The following MFSD6 variants were observed in gnomAD, a reference collection of about 807,000 sequenced individuals.
The protein encoded by MFSD6 is major facilitator superfamily domain-containing protein 6.
In MFSD6, 26 loss-of-function variants were observed where a neutral mutation model predicts 56.3. The ratio of observed to expected loss-of-function variants is 0.46; its 90% CI spans 0.34 to 0.64. The LOEUF is 0.64. Among genes scored for constraint, MFSD6 ranks in the 30% least tolerant of loss-of-function variants. The pLI is 0.01. For synonymous variants in MFSD6, 331 were observed against 366.9 expected, an observed-to-expected ratio of 0.90 and a Z score of 1.12; for missense variants, 750 against 986.2, an observed-to-expected ratio of 0.76 and a Z score of 3.21.
chr2:190,449,483 A>T (rs188862663), intron 3 of MFSD6, among the ~76,000 whole-genome samples: 14 of 152,292 alleles, frequency 9.2e-5, no homozygotes, highest in Admixed American at 7.2e-4. Flanking sequence ...CAAAAAAAAA[A>T]AATTAATATC....
intron 4 of MFSD6, among the ~76,000 whole-genome samples, chr2:190,474,243 C>T (rs1184565310): frequency 6.6e-6 from 1 of 151,916 alleles, no homozygotes; most frequent in Non-Finnish European, 1.5e-5. Context: ...AATAGAGACA[C>T]AAAAAACCCT....
In MFSD6 at chr2:190,425,239, T is replaced by G. The variant is rs546171688; in HGVS notation, c.-54+9826T>G. ...TCACTTATTAGTTCTAGAAGTTTAT[T>G]TATAGGTTTCTTGGGATTTTCTACC... On this transcript the variant is annotated intron_variant, in intron 2 of 7. Transcript: ENST00000392328. The surrounding 1 kb of genome is among the most constrained non-coding windows in gnomAD (Gnocchi z 4.3). 1.3e-5 allele frequency among the ~76,000 whole-genome samples: 2 copies of G among 152,378 alleles called. No individual in the cohort carries two copies. Among genetic ancestry groups the G allele is most frequent in the East Asian group, 3.9e-4 (2 of 5,194 alleles).
chr2:190,499,332 T>C lies in MFSD6; in HGVS notation c.2173-683T>C, dbSNP rs1442472499. On this transcript the variant is annotated intron_variant, in intron 7 of 7. Coordinates refer to ENST00000392328, the MANE Select transcript of MFSD6 (RefSeq NM_017694.4). The surrounding 1 kb of genome is among the most constrained non-coding windows in gnomAD (Gnocchi z 6.0). Reference sequence around the variant, plus strand: ...TGTTCAGCCAAAAAGTGATGGGTACTAATTTGGGGGAGAATCCATTTAAAT... The same window carrying C: ...TGTTCAGCCAAAAAGTGATGGGTACCAATTTGGGGGAGAATCCATTTAAAT... Among the ~76,000 whole-genome samples the C allele has an allele frequency of 1.3e-5, 2 of 152,246 alleles. No homozygotes were observed. The highest frequency in any genetic ancestry group is 4.8e-5 in the African/African-American group (2 of 41,474).
chr2:190,452,511 A>G (rs1686816080), intron 3 of MFSD6, among the ~76,000 whole-genome samples: 1 of 152,176 alleles, frequency 6.6e-6, no homozygotes, highest in South Asian at 2.1e-4. Context: ...GTTTCCCATG[A>G]TGACACAGCC....
rs954577061 is a variant in MFSD6, at chr2:190,412,593, G to C, written c.-175-2699G>C. The C allele has an allele frequency of 2.0e-6, 2 of 985,256 alleles. No individual in the cohort carries two copies. Among genetic ancestry groups the C allele is most frequent in the African/African-American group, 3.5e-5 (2 of 57,220 alleles). 61.0% of individuals were successfully genotyped at this position (985,256 alleles called of 1,614,324 possible). A position where few individuals can be genotyped will look rare whatever the true frequency, so the allele number is the denominator to read the frequency against. Reference sequence around the variant, plus strand: ...AACAAACACATCTGATGTCAATTCTGTGTGGGGCAATGAAAACACCTTAAT... The same window carrying C: ...AACAAACACATCTGATGTCAATTCTCTGTGGGGCAATGAAAACACCTTAAT... On this transcript the variant is annotated intron_variant, in intron 1 of 7. Transcript: ENST00000392328. The surrounding 1 kb of genome is among the most constrained non-coding windows in gnomAD (Gnocchi z 4.1).
rs191390874 is a variant in MFSD6 at position 190,457,996 on chromosome 2, C to G, written c.1533-11762C>G. Among the ~76,000 whole-genome samples, 6 of 152,238 alleles carry G rather than the reference C, an allele frequency of 3.9e-5. No individual in the cohort carries two copies. In the East Asian group the frequency reaches 1.2e-3, roughly 29 times the overall value. On this transcript the variant is annotated intron_variant, in intron 3 of 7. Transcript: ENST00000392328. This position sits in a 1 kb window ranked among gnomAD's most constrained non-coding sequence, Gnocchi z 5.1. ...TGGTCAGATTAGGTTGTACAAAATG[C>G]GAAGAGTCCTCCTCTAAGGATACAG...
At chr2:190,470,865 G>A (rs774783353) in intron 4 of MFSD6, among the ~76,000 whole-genome samples, 1 of 151,800 alleles carries the variant, frequency 6.6e-6, no homozygotes, top group East Asian at 1.9e-4. Context: ...ATTGAAAGGA[G>A]ATATAATTTA....
At chr2:190,444,573 G>T (rs1040465517) in intron 3 of MFSD6, among the ~76,000 whole-genome samples, 1 of 152,140 alleles carries the variant, frequency 6.6e-6, no homozygotes, top group African/African-American at 2.4e-5. Context: ...TGGTTCCATC[G>T]AAGTCATCAT....
chr2:190,476,407 T>A (rs1057378572), intron 4 of MFSD6, among the ~76,000 whole-genome samples: 4 of 151,876 alleles, frequency 2.6e-5, no homozygotes, highest in East Asian at 1.9e-4. Flanking sequence ...ATGAACAGAC[T>A]CTTCTCAAAA....
At position 190,499,397 on chromosome 2, in the gene MFSD6, TTGC is replaced by T. The variant is rs1214412328; in HGVS notation, c.2173-612_2173-610del. Among the ~76,000 whole-genome samples the T allele has an allele frequency of 4.6e-5, 7 of 152,196 alleles. No individual in the cohort carries two copies. Among genetic ancestry groups the T allele is most frequent in the Non-Finnish European group, 1.0e-4 (7 of 68,034 alleles). On this transcript the variant is annotated intron_variant, in intron 7 of 7. Coordinates refer to ENST00000392328, the MANE Select transcript of MFSD6 (RefSeq NM_017694.4). This position sits in a 1 kb window ranked among gnomAD's most constrained non-coding sequence, Gnocchi z 6.0. ...ACAACCAATATGGCATTTATGGAAA[TTGC>T]TGCTGGTGATGTTCTACTCATGGTT...
rs1687809890 is a variant in MFSD6, at chr2:190,469,752, T to TA, written c.1533-6_1533-5insA. 1.4e-6 allele frequency: 2 copies of TA among 1,447,842 alleles called. No homozygotes were observed. The highest frequency in any genetic ancestry group is 1.8e-6 in the Non-Finnish European group (2 of 1,095,500). The allele number at this position is 1,447,842 out of a possible 1,614,324, so 89.7% of individuals were successfully genotyped here. On this transcript the variant is annotated splice_polypyrimidine_tract_variant and splice_region_variant and intron_variant, in intron 3 of 7. Coordinates refer to ENST00000392328, the MANE Select transcript of MFSD6 (RefSeq NM_017694.4). The surrounding 1 kb of genome is among the most constrained non-coding windows in gnomAD (Gnocchi z 5.3). Reference sequence around the variant, plus strand: ...TATTTTATTTTTATTTTTTATTTTTTTTTAGGGTTCTGTACATTGGCCTGG... The same window carrying TA: ...TATTTTATTTTTATTTTTTATTTTTTATTTAGGGTTCTGTACATTGGCCTGG...
chr2:190,418,459 C>G lies in MFSD6; in HGVS notation c.-54+3046C>G. Reference sequence around the variant, plus strand: ...TACTAGGAGCCTTGGAAAGGCCCACCAAGAATGACAAGGTGGTTGGGCACA... The same window carrying G: ...TACTAGGAGCCTTGGAAAGGCCCACGAAGAATGACAAGGTGGTTGGGCACA... On this transcript the variant is annotated intron_variant, in intron 2 of 7. Coordinates refer to ENST00000392328, the MANE Select transcript of MFSD6 (RefSeq NM_017694.4). The surrounding 1 kb of genome is among the most constrained non-coding windows in gnomAD (Gnocchi z 4.1). 6.6e-6 allele frequency among the ~76,000 whole-genome samples: 1 copy of G among 152,066 alleles called. No individual in the cohort carries two copies. The highest frequency in any genetic ancestry group is 1.9e-4 in the East Asian group (1 of 5,184).
In MFSD6 at chr2:190,501,724, T is replaced by C. The variant is rs1399158544; in HGVS notation, c.*1506T>C. The C allele has an allele frequency of 1.3e-5, 2 of 152,604 alleles. No homozygotes were observed. Among genetic ancestry groups the C allele is most frequent in the Admixed American group, 1.3e-4 (2 of 15,272 alleles). The allele number at this position is 152,604 out of a possible 1,614,324, so 9.5% of individuals were successfully genotyped here. Reference sequence around the variant, plus strand: ...GAAATTCTACACTTGGATGTCTCGCTTCACAATAAAACACAGCTTAAAAAT... The same window carrying C: ...GAAATTCTACACTTGGATGTCTCGCCTCACAATAAAACACAGCTTAAAAAT... On this transcript the variant is annotated 3_prime_UTR_variant, in exon 8 of 8. Transcript: ENST00000392328.
In MFSD6 at chr2:190,439,533, T is replaced by C. The variant is rs111933176; in HGVS notation, c.1532+1972T>C. ...ACCTTTGCCTTTTGTCTGAGACATATGCAGCATTTTCATGATAAAATCCTA... is the reference window on the plus strand; with the variant it reads ...ACCTTTGCCTTTTGTCTGAGACATACGCAGCATTTTCATGATAAAATCCTA... On this transcript the variant is annotated intron_variant, in intron 3 of 7. Coordinates refer to ENST00000392328, the MANE Select transcript of MFSD6 (RefSeq NM_017694.4). This position sits in a 1 kb window ranked among gnomAD's most constrained non-coding sequence, Gnocchi z 5.8. Among the ~76,000 whole-genome samples, 680 of 152,330 alleles carry C rather than the reference T, an allele frequency of 4.5e-3. 5 individuals carry two copies. Among genetic ancestry groups the C allele is most frequent in the African/African-American group, 0.016 (656 of 41,586 alleles).
At chr2:190,460,054 A>G (rs1687241373) in intron 3 of MFSD6, among the ~76,000 whole-genome samples, 1 of 152,056 alleles carries the variant, frequency 6.6e-6, no homozygotes, top group Non-Finnish European at 1.5e-5. Context: ...ACTGACTCTG[A>G]GCTTTGTGGC....
chr2:190,445,896 C>T (rs1686564956), intron 3 of MFSD6, among the ~76,000 whole-genome samples: 1 of 151,968 alleles, frequency 6.6e-6, no homozygotes, highest in Admixed American at 6.6e-5. Context: ...CTAAGGATTA[C>T]AGAGCTGAGA....
Position 190,494,253 on chromosome 2 carries a change from C to G in MFSD6, c.1892-3186C>G, listed in dbSNP as rs4324342. Among the ~76,000 whole-genome samples, 45,635 of 151,732 alleles carry G rather than the reference C, an allele frequency of 0.3. 7,611 individuals carry two copies. The highest frequency in any genetic ancestry group is 0.46 in the East Asian group (2,396 of 5,176). On this transcript the variant is annotated intron_variant, in intron 6 of 7. Transcript: ENST00000392328. The surrounding 1 kb of genome is among the most constrained non-coding windows in gnomAD (Gnocchi z 5.7). ...CTTTACATGCATAAACTGGAAAACGCAGAGGAGATAAATTCCTTGAAAGAC... is the reference window on the plus strand; with the variant it reads ...CTTTACATGCATAAACTGGAAAACGGAGAGGAGATAAATTCCTTGAAAGAC...
Position 190,494,180 on chromosome 2 carries a change from A to G in MFSD6, c.1892-3259A>G, listed in dbSNP as rs533815036. Among the ~76,000 whole-genome samples the G allele has an allele frequency of 6.6e-6, 1 of 152,310 alleles. No individual in the cohort carries two copies. Among genetic ancestry groups the G allele is most frequent in the East Asian group, 1.9e-4 (1 of 5,186 alleles). On this transcript the variant is annotated intron_variant, in intron 6 of 7. Coordinates refer to ENST00000392328, the MANE Select transcript of MFSD6 (RefSeq NM_017694.4). This position sits in a 1 kb window ranked among gnomAD's most constrained non-coding sequence, Gnocchi z 5.7. ...TAGAAACAAAACAGGAAATATTACA[A>G]CTGACACCACAGAAATACAAAAGAT...
chr2:190,465,063 A>G lies in MFSD6; in HGVS notation c.1533-4695A>G, dbSNP rs4434029. On this transcript the variant is annotated intron_variant, in intron 3 of 7. Coordinates refer to ENST00000392328, the MANE Select transcript of MFSD6 (RefSeq NM_017694.4). This position sits in a 1 kb window ranked among gnomAD's most constrained non-coding sequence, Gnocchi z 4.6. ...TCTTGAAAAAAATACCAGTTTTATT[A>G]TAAGATAACCACAAATCAGCTTAAA... 0.91 allele frequency: 255,393 copies of G among 280,734 alleles called. 117,243 individuals carry two copies. The highest frequency in any genetic ancestry group is 1 in the East Asian group (5,782 of 5,796). The allele number at this position is 280,734 out of a possible 1,614,324, so 17.4% of individuals were successfully genotyped here. A position where few individuals can be genotyped will look rare whatever the true frequency, so the allele number is the denominator to read the frequency against.
Sources: gnomAD v4.1 joint callset for allele counts (sites outside exome capture counted in the v4.1 genomes callset) on GRCh38, gnomAD v4.1.1 for gene constraint, Gnocchi (gnomAD v3.1) non-coding constraint, MANE v1.5 for transcripts, NCBI Gene and HGNC (gene_info 2026-07-23, HGNC 2026-07-21) for gene names.